Variants in SOX5 observed in about 807,000 individuals in gnomAD.
SOX5 encodes the protein transcription factor SOX-5.
Under a neutral mutation model 92.0 loss-of-function variants are expected in SOX5, and 9 were observed. The observed-to-expected ratio is 0.10, with a 90% CI of 0.06 to 0.17. The LOEUF (loss-of-function observed/expected upper bound fraction) is 0.17. Ranked by LOEUF, SOX5 falls within the 10% of genes least tolerant of loss-of-function variation. The pLI, the probability that SOX5 is intolerant of heterozygous loss-of-function variation, is 1.00. For missense variants in SOX5, 642 were observed against 944.5 expected, an observed-to-expected ratio of 0.68 and a Z score of 4.20; for synonymous variants, 344 against 336.3, an observed-to-expected ratio of 1.02 and a Z score of -0.25.
chr12:23,816,115 C>T (rs1383296060), intron 3 of SOX5, among the ~76,000 whole-genome samples: 3 of 151,770 alleles, frequency 2.0e-5, no homozygotes, highest in East Asian at 3.9e-4. Context: ...TACAATACTA[C>T]GCTGAGGTAG....
At chr12:24,308,289 T>C (rs2140753726) in intron 2 of SOX5, among the ~76,000 whole-genome samples, 1 of 152,236 alleles carries the variant, frequency 6.6e-6, no homozygotes, top group South Asian at 2.1e-4. Context: ...AGGGAAAAAG[T>C]AACGCAAGAC....
At chr12:24,086,543 A>G (rs1238285520) in intron 4 of SOX5, among the ~76,000 whole-genome samples, 1 of 151,980 alleles carries the variant, frequency 6.6e-6, no homozygotes, top group Admixed American at 6.6e-5. Context: ...AAGAAAAACT[A>G]GTTTAAAAAT....
rs1057306874 is a variant in SOX5, at chr12:23,863,356, C to T, written c.271-17163G>A. Among the ~76,000 whole-genome samples the T allele has an allele frequency of 4.6e-5, 7 of 152,148 alleles. No individual in the cohort carries two copies. In the South Asian group the frequency reaches 8.3e-4, roughly 18 times the overall value. On this transcript the variant is annotated intron_variant, in intron 2 of 14. Coordinates refer to ENST00000451604, the MANE Select transcript of SOX5 (RefSeq NM_006940.6). Reference sequence around the variant, plus strand: ...ACAATCACTATATGATATTTTAGAACGCTATTTCTTTGATTCTTTCTAACA... The same window carrying T: ...ACAATCACTATATGATATTTTAGAATGCTATTTCTTTGATTCTTTCTAACA...
At chr12:23,967,720 G>C (rs1165128310) in intron 4 of SOX5, among the ~76,000 whole-genome samples, 1 of 152,122 alleles carries the variant, frequency 6.6e-6, no homozygotes, top group African/African-American at 2.4e-5. Context: ...GGATTGGAAA[G>C]ACTTCTTAAC....
intron 1 of SOX5, among the ~76,000 whole-genome samples, chr12:24,399,893 T>G (rs1292664778): frequency 6.6e-6 from 1 of 152,224 alleles, no homozygotes; most frequent in South Asian, 2.1e-4. Context: ...ATTTCTCCAT[T>G]CAACATAATA....
At chr12:24,545,480 C>T (rs1952534996) in intron 1 of SOX5, among the ~76,000 whole-genome samples, 1 of 151,360 alleles carries the variant, frequency 6.6e-6, no homozygotes, top group Non-Finnish European at 1.5e-5. Flanking sequence ...ATAAAATGGA[C>T]AAGGGGTTTA....
At chr12:23,981,647 C>G (rs987841601) in intron 4 of SOX5, among the ~76,000 whole-genome samples, 1 of 152,076 alleles carries the variant, frequency 6.6e-6, no homozygotes, top group Non-Finnish European at 1.5e-5. Context: ...AATATTATTT[C>G]TGAGCAAAGA....
chr12:23,989,595 T>A (rs1414493020), intron 4 of SOX5, among the ~76,000 whole-genome samples: 1 of 152,104 alleles, frequency 6.6e-6, no homozygotes, highest in African/African-American at 2.4e-5. Flanking sequence ...CATTAGGAGG[T>A]GTGACCTTTG....
chr12:24,397,005 T>C (rs10842336), intron 1 of SOX5, among the ~76,000 whole-genome samples: 36,406 of 152,182 alleles, frequency 0.24, 4,538 homozygotes, highest in Middle Eastern at 0.3. Flanking sequence ...TTACTATTTG[T>C]AAAGACTTAC....
intron 4 of SOX5, among the ~76,000 whole-genome samples, chr12:24,106,477 A>C (rs1034297605): frequency 6.6e-6 from 1 of 152,178 alleles, no homozygotes; most frequent in Non-Finnish European, 1.5e-5. Context: ...TTATAAAAAC[A>C]AAAACGTCAA....
intron 1 of SOX5, among the ~76,000 whole-genome samples, chr12:23,909,439 T>C (rs962243519): frequency 2.0e-5 from 3 of 152,186 alleles, no homozygotes; most frequent in Admixed American, 6.5e-5. Flanking sequence ...AATTTACCCA[T>C]ATCACCACAA....
At chr12:23,714,142 T>A (rs898928714) in intron 6 of SOX5, among the ~76,000 whole-genome samples, 6 of 152,016 alleles carry the variant, frequency 3.9e-5, no homozygotes, top group Non-Finnish European at 8.8e-5. Context: ...GTTGGTACAT[T>A]TGCTCTTTCT....
At chr12:24,044,742 C>T (rs937919747) in intron 4 of SOX5, among the ~76,000 whole-genome samples, 2 of 152,124 alleles carry the variant, frequency 1.3e-5, no homozygotes, top group Non-Finnish European at 1.5e-5. Flanking sequence ...AAAATGCATC[C>T]CTGATTGGCC....
chr12:24,213,034 T>C (rs1430660916), intron 4 of SOX5, among the ~76,000 whole-genome samples: 1 of 152,142 alleles, frequency 6.6e-6, no homozygotes, highest in Non-Finnish European at 1.5e-5. Context: ...GGAAAGTCAT[T>C]AAGAAGTTTC....
intron 4 of SOX5, among the ~76,000 whole-genome samples, chr12:24,185,008 G>C (rs1273503025): frequency 6.6e-6 from 1 of 152,076 alleles, no homozygotes; most frequent in Admixed American, 6.6e-5. Flanking sequence ...AGAGTAGTGT[G>C]TTAGATCCAG....
At chr12:23,587,254 C>T (rs547958880) in intron 9 of SOX5, among the ~76,000 whole-genome samples, 173 of 151,990 alleles carry the variant, frequency 1.1e-3, no homozygotes, top group Middle Eastern at 0.01. Context: ...AAAACATCTC[C>T]ATATATTTTA....
intron 9 of SOX5, among the ~76,000 whole-genome samples, chr12:23,600,018 C>T (rs1435397640): frequency 6.6e-6 from 1 of 152,134 alleles, no homozygotes; most frequent in African/African-American, 2.4e-5. Flanking sequence ...TTGGTTCATT[C>T]TGTGGCAGAA....
chr12:23,971,586 A>T (rs1269976679), intron 4 of SOX5, among the ~76,000 whole-genome samples: 1 of 151,250 alleles, frequency 6.6e-6, no homozygotes, highest in Non-Finnish European at 1.5e-5. Context: ...GATTCACAGA[A>T]GGCAATAGCT....
intron 4 of SOX5, among the ~76,000 whole-genome samples, chr12:24,156,333 G>GC (rs1489480984): frequency 6.6e-6 from 1 of 151,966 alleles, no homozygotes; most frequent in Non-Finnish European, 1.5e-5. Flanking sequence ...CTGTCCTGCC[G>GC]CCCCCACCCC....
Sources: allele counts gnomAD v4.1 joint callset (sites outside exome capture counted in the v4.1 genomes callset), GRCh38; gene constraint gnomAD v4.1.1; transcripts MANE v1.5; gene names NCBI Gene and HGNC (gene_info 2026-07-23, HGNC 2026-07-21).